AP4S1: variants seen among roughly 807,000 people sequenced by gnomAD.
AP4S1 encodes AP-4 complex subunit sigma-1.
Under a neutral mutation model 19.8 loss-of-function variants are expected in AP4S1, and 23 were observed. The observed-to-expected ratio is 1.16, with a 90% confidence interval of 0.84 to 1.65. The LOEUF is 1.65. AP4S1 is among the 40% of genes most tolerant of loss of function. The pLI, the probability that AP4S1 is intolerant of heterozygous loss-of-function variation, is 0.00. For missense variants in AP4S1, 166 were observed against 172.8 expected (o/e 0.96, Z 0.22); for synonymous variants, 46 against 54.1 (o/e 0.85, Z 0.66).
intron 5 of AP4S1, among the ~76,000 whole-genome samples, chr14:31,087,335 G>A (rs951033142): frequency 5.9e-5 from 9 of 152,034 alleles, no homozygotes; most frequent in Admixed American, 2.0e-4. Context: ...AAATTGGGTA[G>A]GTTAAATTTG....
chr14:31,073,347 G>C (rs1470604279), intron 4 of AP4S1, among the ~76,000 whole-genome samples: 1 of 136,664 alleles, frequency 7.3e-6, no homozygotes, highest in South Asian at 2.4e-4. Context: ...AAAATTAGCT[G>C]GGCGTGGTGG....
intron 1 of AP4S1, among the ~76,000 whole-genome samples, chr14:31,049,576 C>T (rs1308197246): frequency 6.8e-6 from 1 of 146,674 alleles, no homozygotes; most frequent in Non-Finnish European, 1.5e-5. Flanking sequence ...AACAGTATAA[C>T]CATAAAGGTG....
intron 5 of AP4S1, among the ~76,000 whole-genome samples, chr14:31,088,558 A>G (rs1338575397): frequency 6.6e-6 from 1 of 152,164 alleles, no homozygotes; most frequent in Non-Finnish European, 1.5e-5. Context: ...CTGTAGTCCA[A>G]GCACTTTGGG....
chr14:31,058,465 C>T (rs1163428116), intron 1 of AP4S1, among the ~76,000 whole-genome samples: 2 of 151,642 alleles, frequency 1.3e-5, no homozygotes, highest in African/African-American at 4.9e-5. Context: ...CAAGCTTTTG[C>T]CTGTAGCATC....
rs1255121264 is a variant in AP4S1 at position 31,049,448 on chromosome 14, T to A, written c.-71-16678T>A. On this transcript the variant is annotated intron_variant, in intron 1 of 5. Transcript: ENST00000542754. Reference sequence around the variant, plus strand: ...AAAAAAATATATATATATATATATATATATATATATATATGTATATATATG... The same window carrying A: ...AAAAAAATATATATATATATATATAAATATATATATATATGTATATATATG... 1.4e-3 allele frequency among the ~76,000 whole-genome samples: 112 copies of A among 78,708 alleles called. 5 individuals carry two copies. The highest frequency in any genetic ancestry group is 5.5e-3 in the African/African-American group (98 of 17,760). The allele number at this position is 78,708 out of a possible 152,430, so 51.6% of individuals were successfully genotyped here.
At chr14:31,069,281 G>A (rs559850599) in intron 2 of AP4S1, among the ~76,000 whole-genome samples, 57 of 152,260 alleles carry the variant, frequency 3.7e-4, no homozygotes, top group African/African-American at 1.3e-3. Flanking sequence ...TTTACAATGC[G>A]AGATTTTGTC....
chr14:31,026,000 C>A (rs1350651714), intron 1 of AP4S1: 1 of 1,557,446 alleles, frequency 6.4e-7, no homozygotes, highest in East Asian at 2.4e-5. Flanking sequence ...GGATAGTGTA[C>A]TGCTGCGGCC....
At chr14:31,033,835 A>G (rs1884560057) in intron 1 of AP4S1, among the ~76,000 whole-genome samples, 1 of 152,204 alleles carries the variant, frequency 6.6e-6, no homozygotes, top group African/African-American at 2.4e-5. Context: ...GAAACTCAGC[A>G]TGCTGTATAA....
At chr14:31,074,419 G>A (rs189516495) in intron 4 of AP4S1, among the ~76,000 whole-genome samples, 160 of 151,954 alleles carry the variant, frequency 1.1e-3, no homozygotes, top group African/African-American at 3.6e-3. Flanking sequence ...TTGAGAGGCC[G>A]AGGCAGGCCG....
Position 31,066,285 on chromosome 14 carries a change from T to G in AP4S1, c.89T>G (p.Leu30Arg). 6.2e-7 allele frequency: 1 copy of G among 1,614,038 alleles called. No individual in the cohort carries two copies. The highest frequency in any genetic ancestry group is 8.5e-7 in the Non-Finnish European group (1 of 1,179,964). ...CATGTGGATATTAATAAGCGTACACTTCTGGAAACAGAAGTCATAAAGAGC... is the reference window on the plus strand; with the variant it reads ...CATGTGGATATTAATAAGCGTACACGTCTGGAAACAGAAGTCATAAAGAGC... ...YEHVDINKRT[L>R]LETEVIKSCL... Residue 30 changes from leucine (L) to arginine (R), a missense_variant, in exon 2 of 6, where the codon CTT becomes CGT. Physicochemically the swap from Leu to Arg is moderately radical, Grantham distance 102. Transcript: ENST00000542754.
intron 4 of AP4S1, among the ~76,000 whole-genome samples, chr14:31,078,571 T>A (rs1887485089): frequency 6.6e-6 from 1 of 152,096 alleles, no homozygotes. Flanking sequence ...AGAATATAAT[T>A]TCCCAAAATA....
chr14:31,043,488 A>G (rs1311725959), intron 1 of AP4S1, among the ~76,000 whole-genome samples: 1 of 152,126 alleles, frequency 6.6e-6, no homozygotes, highest in Non-Finnish European at 1.5e-5. Context: ...TAATCTTAGG[A>G]CTGTAGTAGG....
chr14:31,084,462 C>T (rs1887819258), intron 5 of AP4S1, among the ~76,000 whole-genome samples: 1 of 152,196 alleles, frequency 6.6e-6, no homozygotes, highest in South Asian at 2.1e-4. Context: ...AAAGAAAGGA[C>T]CTAAGCATAA....
At chr14:31,073,192 A>G in intron 4 of AP4S1, 2 of 515,520 alleles carry the variant, frequency 3.9e-6, no homozygotes, top group Non-Finnish European at 3.5e-6. Context: ...CTGGAAAAAA[A>G]AAAAAAAACC....
In AP4S1 at chr14:31,066,358, A is replaced by G. The variant is rs1456095297; in HGVS notation, c.138+24A>G. On this transcript the variant is annotated intron_variant, in intron 2 of 5. Coordinates refer to ENST00000542754, the MANE Select transcript of AP4S1 (RefSeq NM_001128126.3). Reference sequence around the variant, plus strand: ...AAGTAAGTCTCTGGTTCTCTCTTTTATCTCTGCATTCAACTCAGCCTTGGC... The same window carrying G: ...AAGTAAGTCTCTGGTTCTCTCTTTTGTCTCTGCATTCAACTCAGCCTTGGC... The G allele has an allele frequency of 3.1e-6, 5 of 1,613,662 alleles. No individual in the cohort carries two copies. The Middle Eastern group carries it at 6.6e-4, about 213-fold the overall frequency.
At chr14:31,092,004 T>G (rs1201363601) in intron 5 of AP4S1, among the ~76,000 whole-genome samples, 1 of 152,236 alleles carries the variant, frequency 6.6e-6, no homozygotes, top group Non-Finnish European at 1.5e-5. Flanking sequence ...AAGGGATTCT[T>G]GAGGGAAGTA....
chr14:31,050,613 A>G (rs1385876948), intron 1 of AP4S1, among the ~76,000 whole-genome samples: 1 of 152,152 alleles, frequency 6.6e-6, no homozygotes, highest in Non-Finnish European at 1.5e-5. Context: ...ATAATTTTAG[A>G]TTTACAAAGG....
At chr14:31,035,691 T>C (rs1884709482) in intron 1 of AP4S1, among the ~76,000 whole-genome samples, 1 of 151,228 alleles carries the variant, frequency 6.6e-6, no homozygotes, top group Non-Finnish European at 1.5e-5. Flanking sequence ...GGTCATGCCA[T>C]TTATTTATTG....
chr14:31,073,671 T>C (rs1228813715), intron 4 of AP4S1, among the ~76,000 whole-genome samples: 1 of 151,332 alleles, frequency 6.6e-6, no homozygotes, highest in Non-Finnish European at 1.5e-5. Context: ...TGACGCGATC[T>C]CAGCTCACTG....
Sources: gnomAD v4.1 joint callset for allele counts (sites outside exome capture counted in the v4.1 genomes callset) on GRCh38, gnomAD v4.1.1 for gene constraint, MANE v1.5 for transcripts, NCBI Gene and HGNC (gene_info 2026-07-23, HGNC 2026-07-21) for gene names.